Variants in ATP2B1 observed in about 807,000 individuals in gnomAD.
ATP2B1 encodes ATPase plasma membrane Ca2+ transporting 1, also known as plasma membrane calcium-transporting ATPase 1.
Under a neutral mutation model 124.2 loss-of-function variants are expected in ATP2B1, and 14 were observed. The ratio of observed to expected loss-of-function variants is 0.11; its 90% CI spans 0.07 to 0.18. The LOEUF is 0.18. ATP2B1 is among the 10% of genes least tolerant of loss of function. The pLI is 1.00. For missense variants in ATP2B1, 763 were observed against 1,466.1 expected (o/e 0.52, Z 7.83); for synonymous variants, 449 against 492.4 (o/e 0.91, Z 1.17).
chr12:89,707,829 C>A (rs1467414035), intron 1 of ATP2B1, among the ~76,000 whole-genome samples: 2 of 152,146 alleles, frequency 1.3e-5, no homozygotes. Flanking sequence ...AGGATTCTCC[C>A]GCAGGATGGG....
At chr12:89,626,033 TACA>T (rs1210852316) in intron 8 of ATP2B1, among the ~76,000 whole-genome samples, 17 of 152,204 alleles carry the variant, frequency 1.1e-4, no homozygotes, top group South Asian at 1.0e-3. Flanking sequence ...TCAGCCGCAC[TACA>T]ACGACTCCAT....
intron 1 of ATP2B1, among the ~76,000 whole-genome samples, chr12:89,670,665 C>T (rs538015170): frequency 9.9e-5 from 15 of 152,008 alleles, no homozygotes; most frequent in Admixed American, 3.9e-4. Flanking sequence ...AAAGCTGTGA[C>T]GGTTTTAAAA....
At chr12:89,673,711 A>G (rs1202416589) in intron 1 of ATP2B1, among the ~76,000 whole-genome samples, 1 of 152,198 alleles carries the variant, frequency 6.6e-6, no homozygotes, top group African/African-American at 2.4e-5. Context: ...TTTGAAGTGT[A>G]TGGATTTTCA....
intron 2 of ATP2B1, among the ~76,000 whole-genome samples, chr12:89,650,363 C>G (rs372755083): frequency 6.6e-6 from 1 of 152,190 alleles, no homozygotes; most frequent in East Asian, 1.9e-4. Flanking sequence ...GTCAAACTTA[C>G]ACATTCTTTC....
intron 1 of ATP2B1, among the ~76,000 whole-genome samples, chr12:89,691,799 G>A (rs1278544268): frequency 1.3e-5 from 2 of 152,170 alleles, no homozygotes; most frequent in African/African-American, 4.8e-5. Flanking sequence ...CTTTTTCCAT[G>A]TTGAGTCTAT....
At chr12:89,659,378 A>AG (rs1886395404) in intron 1 of ATP2B1, among the ~76,000 whole-genome samples, 1 of 151,926 alleles carries the variant, frequency 6.6e-6, no homozygotes, top group Non-Finnish European at 1.5e-5. Context: ...ACACACACAC[A>AG]CACACGCACA....
chr12:89,680,362 A>G (rs1889185992), intron 1 of ATP2B1, among the ~76,000 whole-genome samples: 1 of 152,196 alleles, frequency 6.6e-6, no homozygotes, highest in African/African-American at 2.4e-5. Flanking sequence ...AAAACTAAAA[A>G]GAGAGATGAA....
At chr12:89,680,229 C>T (rs76185354) in intron 1 of ATP2B1, among the ~76,000 whole-genome samples, 2,720 of 152,198 alleles carry the variant, frequency 0.018, 70 homozygotes, top group African/African-American at 0.061. Context: ...ACCCCCTGCC[C>T]CAAACACACT....
chr12:89,621,485 T>C (rs1011423558), intron 10 of ATP2B1, 64 bp downstream of exon 10: 10 of 1,274,352 alleles, frequency 7.8e-6, no homozygotes, highest in Non-Finnish European at 1.0e-5. Context: ...TCTGAAGACT[T>C]ACATATAGTC....
chr12:89,677,113 C>T (rs1438143453), intron 1 of ATP2B1, among the ~76,000 whole-genome samples: 1 of 152,152 alleles, frequency 6.6e-6, no homozygotes, highest in Non-Finnish European at 1.5e-5. Flanking sequence ...TTAACAACTA[C>T]TCTGTATATG....
At chr12:89,602,513 G>T (rs1876053006) in intron 18 of ATP2B1, among the ~76,000 whole-genome samples, 1 of 152,020 alleles carries the variant, frequency 6.6e-6, no homozygotes, top group Non-Finnish European at 1.5e-5. Flanking sequence ...TTGTGCACTT[G>T]TACAGATAGA....
intron 19 of ATP2B1, among the ~76,000 whole-genome samples, chr12:89,599,922 G>C (rs17380907): frequency 0.03 from 4,519 of 152,268 alleles, 110 homozygotes; most frequent in Non-Finnish European, 0.045. Context: ...TAAGGCAGCA[G>C]TTGGGTTTAT....
intron 1 of ATP2B1, among the ~76,000 whole-genome samples, chr12:89,704,626 C>CA (rs546916126): frequency 3.2e-4 from 49 of 151,638 alleles, no homozygotes; most frequent in Admixed American, 8.5e-4. Context: ...AAACAAAAAA[C>CA]AAAAAACAAA....
chr12:89,616,972 C>A lies in ATP2B1; in HGVS notation c.1897G>T (p.Val633Leu). 6.2e-7 allele frequency: 1 copy of A among 1,614,090 alleles called. No individual in the cohort carries two copies. The highest frequency in any genetic ancestry group is 8.5e-7 in the Non-Finnish European group (1 of 1,179,976). ...GCCATCGGTTCAATCACAGTTTTTA[C>A]AATATCATCACGGTCCCTTGGTCTG... is the stretch of plus-strand genomic sequence containing the variant. ...VFRPRDRDDI[V>L]KTVIEPMASE... Residue 633 changes from valine to leucine, a missense_variant, in exon 12 of 21, where the codon GTA becomes TTA. Physicochemically the swap from Val to Leu is conservative, Grantham distance 32. Coordinates refer to ENST00000428670, the MANE Select transcript of ATP2B1 (RefSeq NM_001366521.1).
At chr12:89,642,403 T>G in intron 2 of ATP2B1, 48 bp from the exon 3 acceptor site, 1 of 1,508,662 alleles carries the variant, frequency 6.6e-7, no homozygotes, top group South Asian at 1.2e-5. Context: ...TTCTTACAAA[T>G]GAAAATATAT....
chr12:89,677,172 C>T (rs1888716131), intron 1 of ATP2B1, among the ~76,000 whole-genome samples: 1 of 152,030 alleles, frequency 6.6e-6, no homozygotes, highest in African/African-American at 2.4e-5. Flanking sequence ...TTGTCACTGC[C>T]AAATGATACT....
chr12:89,647,632 A>G (rs890197262), intron 2 of ATP2B1, among the ~76,000 whole-genome samples: 1 of 152,194 alleles, frequency 6.6e-6, no homozygotes, highest in Non-Finnish European at 1.5e-5. Context: ...TTGTGTATAT[A>G]TCATATGTAT....
At chr12:89,602,265 T>C (rs562982298) in intron 18 of ATP2B1, among the ~76,000 whole-genome samples, 1 of 152,258 alleles carries the variant, frequency 6.6e-6, no homozygotes, top group Admixed American at 6.5e-5. Context: ...GACCCTGTCT[T>C]AATTAAAAAA....
intron 12 of ATP2B1, among the ~76,000 whole-genome samples, chr12:89,615,286 G>A (rs757141383): frequency 6.6e-5 from 10 of 151,886 alleles, no homozygotes; most frequent in Non-Finnish European, 1.2e-4. Context: ...TCATTACACC[G>A]TGCATATCTT....
Sources: allele counts gnomAD v4.1 joint callset (sites outside exome capture counted in the v4.1 genomes callset), GRCh38; gene constraint gnomAD v4.1.1; transcripts MANE v1.5; gene names NCBI Gene and HGNC (gene_info 2026-07-23, HGNC 2026-07-21).